PLCG2: variants seen among roughly 807,000 people sequenced by gnomAD.
PLCG2 encodes the protein 1-phosphatidylinositol 4,5-bisphosphate phosphodiesterase gamma-2.
In PLCG2, 69 loss-of-function variants were observed where a neutral mutation model predicts 175.6. The ratio of observed to expected loss-of-function variants is 0.39; its 90% CI spans 0.32 to 0.48. The LOEUF is 0.48. Ranked by LOEUF, PLCG2 falls within the 20% of genes least tolerant of loss-of-function variation. The pLI is 0.91. For missense variants in PLCG2, 1,798 were observed against 1,650.9 expected, an observed-to-expected ratio of 1.09 and a Z score of -1.54; for synonymous variants, 827 against 624.0, an observed-to-expected ratio of 1.33 and a Z score of -4.85.
At position 81,881,049 on chromosome 16, in the gene PLCG2, G is replaced by A. The variant is rs1597370577; in HGVS notation, c.692+96G>A. ...CAGGAGGGGATGCCTGTGTGTGCAG[G>A]CGCTGACCTCCAAAGGGGCAGGGGG... On this transcript the variant is annotated intron_variant, in intron 8 of 32. Transcript: ENST00000564138. The A allele has an allele frequency of 2.4e-6, 3 of 1,265,882 alleles. No individual in the cohort carries two copies. In the East Asian group the frequency reaches 6.9e-5, roughly 29 times the overall value. The allele number at this position is 1,265,882 out of a possible 1,614,324, so 78.4% of individuals were successfully genotyped here.
chr16:81,844,432 C>T (rs929968364), intron 2 of PLCG2, among the ~76,000 whole-genome samples: 1 of 152,188 alleles, frequency 6.6e-6, no homozygotes, highest in African/African-American at 2.4e-5. Flanking sequence ...AGTGATTCTC[C>T]TGCCTCAGAC....
chr16:81,953,722 G>C (rs1019932968), intron 31 of PLCG2, among the ~76,000 whole-genome samples: 21 of 152,164 alleles, frequency 1.4e-4, no homozygotes, highest in Non-Finnish European at 2.6e-4. Flanking sequence ...TTGCTGTAGA[G>C]TTATTCACTA....
intron 7 of PLCG2, among the ~76,000 whole-genome samples, chr16:81,878,521 G>A (rs1271004412): frequency 6.6e-6 from 1 of 152,142 alleles, no homozygotes; most frequent in Non-Finnish European, 1.5e-5. Flanking sequence ...GCCCCATACT[G>A]TCAACTACAG....
At chr16:81,935,028 C>A (rs548779666) in intron 26 of PLCG2, among the ~76,000 whole-genome samples, 1 of 152,248 alleles carries the variant, frequency 6.6e-6, no homozygotes, top group South Asian at 2.1e-4. Context: ...GGGACACAGC[C>A]AAACCATATC....
At chr16:81,907,799 G>T in intron 16 of PLCG2, 25 bp downstream of exon 16, 1 of 1,571,790 alleles carries the variant, frequency 6.4e-7, no homozygotes, top group African/African-American at 1.3e-5. Flanking sequence ...TAGCCACATA[G>T]GGAGGAGGTC....
chr16:81,862,069 C>G (rs1567503927), intron 5 of PLCG2, among the ~76,000 whole-genome samples: 1 of 152,206 alleles, frequency 6.6e-6, no homozygotes, highest in African/African-American at 2.4e-5. Context: ...GGGAGCTTTG[C>G]AAAAGAAACT....
chr16:81,867,786 C>T (rs1907316495), intron 5 of PLCG2, among the ~76,000 whole-genome samples: 1 of 152,136 alleles, frequency 6.6e-6, no homozygotes. Context: ...CAAGCTCCGC[C>T]TCCCGAATTC....
upstream of PLCG2, among the ~76,000 whole-genome samples, chr16:81,777,825 G>T (rs1274887458): frequency 6.6e-6 from 1 of 151,644 alleles, no homozygotes; most frequent in Non-Finnish European, 1.5e-5. Context: ...AGACCAATCT[G>T]GCCAACATAG....
chr16:81,843,320 C>G (rs1905935929), intron 2 of PLCG2, among the ~76,000 whole-genome samples: 2 of 152,204 alleles, frequency 1.3e-5, no homozygotes, highest in South Asian at 2.1e-4. Flanking sequence ...TTTTGGTACC[C>G]TTTCTCACAC....
intron 2 of PLCG2, among the ~76,000 whole-genome samples, chr16:81,803,298 T>C (rs1911826050): frequency 6.6e-6 from 1 of 151,958 alleles, no homozygotes; most frequent in African/African-American, 2.4e-5. Context: ...TTTTTTGTAT[T>C]TTTAGTAGAG....
chr16:81,876,199 A>AT (rs2143550660), intron 7 of PLCG2, among the ~76,000 whole-genome samples: 1 of 151,166 alleles, frequency 6.6e-6, no homozygotes, highest in Admixed American at 6.6e-5. Flanking sequence ...TAATTTTTGT[A>AT]TTTTTTGTAG....
At chr16:81,957,046 C>T (rs1352329881) in intron 32 of PLCG2, among the ~76,000 whole-genome samples, 167 bp downstream of exon 32, 3 of 151,936 alleles carry the variant, frequency 2.0e-5, no homozygotes, top group Non-Finnish European at 4.4e-5. Context: ...TGCCTGTAAT[C>T]CCAGCACTTT....
chr16:81,751,704 A>G (rs1245240475), intron 1 of PLCG2, among the ~76,000 whole-genome samples: 1 of 152,178 alleles, frequency 6.6e-6, no homozygotes, highest in Non-Finnish European at 1.5e-5. Flanking sequence ...TTCATAGATC[A>G]TAATGTCACT....
intron 2 of PLCG2, among the ~76,000 whole-genome samples, chr16:81,786,530 C>T (rs1009792525): frequency 7.2e-5 from 11 of 152,142 alleles, no homozygotes; most frequent in African/African-American, 1.9e-4. Flanking sequence ...CTCTTAAGGG[C>T]GAATTAGCCC....
intron 31 of PLCG2, among the ~76,000 whole-genome samples, chr16:81,949,913 T>C (rs576917350): frequency 1.1e-4 from 17 of 152,328 alleles, no homozygotes; most frequent in Middle Eastern, 3.4e-3. Flanking sequence ...TAAACTATAC[T>C]GCAGAGGGAG....
At chr16:81,910,330 A>G (rs1567528442) in intron 17 of PLCG2, among the ~76,000 whole-genome samples, 190 bp from the exon 18 acceptor site, 1 of 152,138 alleles carries the variant, frequency 6.6e-6, no homozygotes, top group Admixed American at 6.5e-5. Flanking sequence ...ATCTCAGGTG[A>G]TCCACCCGTC....
rs148476435 is a variant in PLCG2 at position 81,869,886 on chromosome 16, G to A, written c.564+588G>A. 1.0e-2 allele frequency among the ~76,000 whole-genome samples: 1,519 copies of A among 152,240 alleles called. 11 individuals carry two copies. Among genetic ancestry groups the A allele is most frequent in the Middle Eastern group, 0.041 (12 of 294 alleles). ...GGCAAGGATGGAGACAATGGGCACC[G>A]ATTTTTGCTTACAGGGAAATACTCA... On this transcript the variant is annotated intron_variant, in intron 6 of 32. Coordinates refer to ENST00000564138, the MANE Select transcript of PLCG2 (RefSeq NM_002661.5).
intron 8 of PLCG2, 80 bp downstream of exon 8, chr16:81,881,033 A>G: frequency 7.0e-7 from 1 of 1,422,230 alleles, no homozygotes; most frequent in South Asian, 1.2e-5. Context: ...CCAGGAGGGG[A>G]TGCCTGTGTG....
intron 11 of PLCG2, among the ~76,000 whole-genome samples, chr16:81,892,653 A>T (rs537101978): frequency 5.7e-5 from 4 of 70,160 alleles, no homozygotes; most frequent in African/African-American, 1.3e-4. Context: ...ATACAAACTT[A>T]AAAAAAAAAC....
Sources: gnomAD v4.1 joint callset for allele counts (sites outside exome capture counted in the v4.1 genomes callset) on GRCh38, gnomAD v4.1.1 for gene constraint, MANE v1.5 for transcripts, NCBI Gene and HGNC (gene_info 2026-07-23, HGNC 2026-07-21) for gene names.